The following KLHL13 variants were observed in gnomAD, a reference collection of about 807,000 sequenced individuals.
The protein encoded by KLHL13 is kelch like family member 13.
Under a neutral mutation model 37.1 loss-of-function variants are expected in KLHL13, and 10 were observed. The observed-to-expected ratio is 0.27, with a 90% CI of 0.17 to 0.46. KLHL13 has a LOEUF of 0.46. Among genes scored for constraint, KLHL13 ranks in the 20% least tolerant of loss-of-function variants. KLHL13 has a pLI of 1.00. For missense variants in KLHL13, 360 were observed against 509.3 expected (o/e 0.71, Z 2.82); for synonymous variants, 163 against 181.2 (o/e 0.90, Z 0.81).
chrX:118,116,698 C>G (rs1473959778), exon 1 of KLHL13: 1 of 111,610 alleles, frequency 9.0e-6, no homozygotes, highest in Non-Finnish European at 1.9e-5. Flanking sequence ...CGGACCCTAA[C>G]CCGAATGCCG....
At chrX:117,937,172 C>A (rs1354726861) in intron 2 of KLHL13, among the ~76,000 whole-genome samples, 1 of 112,145 alleles carries the variant, frequency 8.9e-6, no homozygotes, top group East Asian at 2.8e-4. Flanking sequence ...ACTTCTCTAG[C>A]TTGTTCTCTT....
chrX:117,903,135 A>AACACACACACAC (rs751986919), intron 5 of KLHL13, among the ~76,000 whole-genome samples: 33 of 99,803 alleles, frequency 3.3e-4, no homozygotes, highest in Admixed American at 1.6e-3. Flanking sequence ...TGACAGGCAA[A>AACACACACACAC]ACACACACAC....
chrX:118,025,226 C>T (rs2054261642), intron 1 of KLHL13, among the ~76,000 whole-genome samples: 1 of 111,726 alleles, frequency 9.0e-6, no homozygotes, highest in African/African-American at 3.3e-5. Context: ...GATGATAGTA[C>T]AGTAGTCCCT....
intron 1 of KLHL13, chrX:117,946,863 AC>A (rs1302489045): frequency 8.9e-6 from 1 of 112,080 alleles, no homozygotes; most frequent in Non-Finnish European, 1.9e-5. Context: ...TTGAATTATG[AC>A]ACCAACTAAG....
Position 117,904,458 on chromosome X carries a change from C to T in KLHL13, c.1367-2512G>A, listed in dbSNP as rs566479889. Among the ~76,000 whole-genome samples the T allele has an allele frequency of 3.3e-4, 37 of 110,926 alleles. No homozygotes were observed. In the South Asian group the frequency reaches 3.8e-3, roughly 11 times the overall value. On this transcript the variant is annotated intron_variant, in intron 5 of 6. Coordinates refer to ENST00000262820, the Ensembl canonical transcript of KLHL13. ...TGGAGCCACAAAGCAGTGCTTCAATCGTAGTCTATAAGAGTTGGAAATGGT... is the reference window on the plus strand; with the variant it reads ...TGGAGCCACAAAGCAGTGCTTCAATTGTAGTCTATAAGAGTTGGAAATGGT...
intron 1 of KLHL13, among the ~76,000 whole-genome samples, chrX:118,044,737 C>A (rs2054540189): frequency 1.8e-5 from 2 of 111,907 alleles, no homozygotes; most frequent in Non-Finnish European, 3.8e-5. Context: ...AACATCAAAT[C>A]AAAATGGATT....
intron 1 of KLHL13, among the ~76,000 whole-genome samples, chrX:118,065,113 G>A (rs1569306963): frequency 9.0e-6 from 1 of 110,929 alleles, no homozygotes; most frequent in Non-Finnish European, 1.9e-5. Flanking sequence ...AGTACTCTGT[G>A]GTCAATATAT....
At chrX:118,105,805 C>A (rs1366643793) in intron 1 of KLHL13, among the ~76,000 whole-genome samples, 2 of 109,821 alleles carry the variant, frequency 1.8e-5, no homozygotes, top group Admixed American at 1.9e-4. Flanking sequence ...TGATAAATAC[C>A]AAATTGCTAT....
chrX:118,051,367 C>T (rs1360826715), intron 1 of KLHL13, among the ~76,000 whole-genome samples: 2 of 108,968 alleles, frequency 1.8e-5, no homozygotes, highest in Non-Finnish European at 3.8e-5. Context: ...GGTGAAACCC[C>T]GTATCTACTG....
chrX:118,044,988 T>A (rs1164819544), intron 1 of KLHL13, among the ~76,000 whole-genome samples: 1 of 112,044 alleles, frequency 8.9e-6, no homozygotes, highest in Admixed American at 9.4e-5. Flanking sequence ...TTTTCCCACA[T>A]GTAAACCATC....
intron 2 of KLHL13, among the ~76,000 whole-genome samples, chrX:117,943,381 A>C (rs1933147568): frequency 9.0e-6 from 1 of 111,022 alleles, no homozygotes; most frequent in South Asian, 3.9e-4. Context: ...CTCTCTTGCT[A>C]GGTTGGGGAA....
intron 1 of KLHL13, chrX:118,028,430 C>T (rs373116325): frequency 3.0e-5 from 34 of 1,116,866 alleles, no homozygotes; most frequent in African/African-American, 2.9e-4. Context: ...ATACCGGTTA[C>T]GAAGTATTGC....
intron 1 of KLHL13, among the ~76,000 whole-genome samples, chrX:118,055,325 T>G (rs945305379): frequency 1.8e-5 from 2 of 112,178 alleles, no homozygotes; most frequent in Non-Finnish European, 3.8e-5. Context: ...CTTTATCATT[T>G]GATATAGAAC....
At chrX:118,074,642 C>T (rs963118168) in intron 1 of KLHL13, among the ~76,000 whole-genome samples, 1 of 111,886 alleles carries the variant, frequency 8.9e-6, no homozygotes, top group African/African-American at 3.2e-5. Context: ...AAGTTGTAAA[C>T]TCTATATAAA....
chrX:117,985,612 G>C (rs1420627501), intron 1 of KLHL13, among the ~76,000 whole-genome samples: 1 of 110,665 alleles, frequency 9.0e-6, no homozygotes, highest in African/African-American at 3.3e-5. Context: ...CAGGAACAAA[G>C]TGTTCATCTT....
Position 117,954,251 on chromosome X carries a change from T to G in KLHL13, c.99-8676A>C, listed in dbSNP as rs2430213. On this transcript the variant is annotated intron_variant, in intron 1 of 6. Coordinates refer to ENST00000262820, the Ensembl canonical transcript of KLHL13. Reference sequence around the variant, plus strand: ...TTAGTGTCCCTTCATCTTTTAAAATTTATATACCAGTTAAACTGCATCATG... The same window carrying G: ...TTAGTGTCCCTTCATCTTTTAAAATGTATATACCAGTTAAACTGCATCATG... Among the ~76,000 whole-genome samples, 1,081 of 112,440 alleles carry G rather than the reference T, an allele frequency of 9.6e-3. 12 individuals carry two copies. Among genetic ancestry groups the G allele is most frequent in the African/African-American group, 0.031 (975 of 30,993 alleles).
intron 1 of KLHL13, among the ~76,000 whole-genome samples, chrX:118,042,575 A>C (rs182318385): frequency 8.9e-6 from 1 of 112,162 alleles, no homozygotes; most frequent in Non-Finnish European, 1.9e-5. Flanking sequence ...GTACAAACAC[A>C]TGAAAATTAA....
At chrX:117,935,925 A>C (rs1932752005) in intron 2 of KLHL13, among the ~76,000 whole-genome samples, 1 of 111,768 alleles carries the variant, frequency 8.9e-6, no homozygotes, top group African/African-American at 3.2e-5. Flanking sequence ...TTGTGGTGAC[A>C]GTTGCACAAT....
In KLHL13 at chrX:118,059,959, G is replaced by A. The variant is rs189312618; in HGVS notation, c.-56+56549C>T. 1.5e-3 allele frequency among the ~76,000 whole-genome samples: 169 copies of A among 112,053 alleles called. 2 individuals carry two copies. Among genetic ancestry groups the A allele is most frequent in the African/African-American group, 5.3e-3 (164 of 30,903 alleles). The stretch of plus-strand genomic sequence containing the variant: ...AGACAGAGACAGCATCTAGCACTTA[G>A]CATTACTCATAAATGTTGGTAATAT... On this transcript the variant is annotated intron_variant, in intron 1 of 6. Transcript: ENST00000371882.
Sources: gnomAD v4.1 joint callset for allele counts (sites outside exome capture counted in the v4.1 genomes callset) on GRCh38, gnomAD v4.1.1 for gene constraint, MANE v1.5 for transcripts, NCBI Gene and HGNC (gene_info 2026-07-23, HGNC 2026-07-21) for gene names.